The following TNFRSF19 variants were observed in gnomAD, a reference collection of about 807,000 sequenced individuals.
TNFRSF19 encodes the protein TNF receptor superfamily member 19.
TNFRSF19 carries 27 observed loss-of-function variants against 46.4 expected under a neutral mutation model. The observed-to-expected ratio is 0.58, with a 90% confidence interval of 0.43 to 0.80. The LOEUF (loss-of-function observed/expected upper bound fraction) is 0.80, where lower values mean the gene tolerates loss of function less well. Among genes scored for constraint, TNFRSF19 ranks in the 30% least tolerant of loss-of-function variants. The pLI is 0.00. For missense variants in TNFRSF19, 511 were observed against 530.8 expected, an observed-to-expected ratio of 0.96 and a Z score of 0.37; for synonymous variants, 204 against 205.0, an observed-to-expected ratio of 1.00 and a Z score of 0.04.
At chr13:23,572,314 C>A (rs769058452) in intron 1 of TNFRSF19, among the ~76,000 whole-genome samples, 2 of 151,844 alleles carry the variant, frequency 1.3e-5, no homozygotes, top group Non-Finnish European at 2.9e-5. Flanking sequence ...CAATATCCTG[C>A]AATATCGGTT....
chr13:23,586,054 A>G (rs2138164161), intron 1 of TNFRSF19, among the ~76,000 whole-genome samples: 1 of 152,152 alleles, frequency 6.6e-6, no homozygotes, highest in East Asian at 1.9e-4. Context: ...GCGGATCACA[A>G]GGTCAGGAGA....
chr13:23,583,082 C>T (rs75815014), intron 1 of TNFRSF19, among the ~76,000 whole-genome samples: 1 of 152,142 alleles, frequency 6.6e-6, no homozygotes, highest in African/African-American at 2.4e-5. Flanking sequence ...AGAAGAATAT[C>T]TAGGTGTTAT....
At chr13:23,643,135 C>T (rs1883122654) in intron 5 of TNFRSF19, among the ~76,000 whole-genome samples, 1 of 152,232 alleles carries the variant, frequency 6.6e-6, no homozygotes, top group African/African-American at 2.4e-5. Context: ...ACTTATTTCT[C>T]TCTCTGAGAG....
rs1482388205 is a variant in TNFRSF19, at chr13:23,675,101, T to A, written c.*1721T>A. 6.6e-6 allele frequency: 1 copy of A among 152,344 alleles called. No individual in the cohort carries two copies. Among genetic ancestry groups the A allele is most frequent in the Non-Finnish European group, 1.5e-5 (1 of 68,042 alleles). The allele number at this position is 152,344 out of a possible 1,614,324, so 9.4% of individuals were successfully genotyped here. A position where few individuals can be genotyped will look rare whatever the true frequency, so the allele number is the denominator to read the frequency against. Reference sequence around the variant, plus strand: ...TCTTTTTTTAAGTATAAACCAATGATCCTTTGGTAGTCAAGAACTCTTAGG... The same window carrying A: ...TCTTTTTTTAAGTATAAACCAATGAACCTTTGGTAGTCAAGAACTCTTAGG... On this transcript the variant is annotated 3_prime_UTR_variant, in exon 10 of 10. Coordinates refer to ENST00000248484, the MANE Select transcript of TNFRSF19 (RefSeq NM_148957.4).
intron 5 of TNFRSF19, among the ~76,000 whole-genome samples, chr13:23,651,695 A>G (rs1469449370): frequency 6.6e-6 from 1 of 152,100 alleles, no homozygotes; most frequent in African/African-American, 2.4e-5. Flanking sequence ...AGCCTCCTTA[A>G]TCTAGGGTTT....
chr13:23,663,075 G>C (rs1054187423), intron 7 of TNFRSF19, among the ~76,000 whole-genome samples: 2 of 152,178 alleles, frequency 1.3e-5, no homozygotes, highest in Admixed American at 6.5e-5. Context: ...TGGTGAGAGA[G>C]AGCATCCTTG....
rs568663284 is a variant in TNFRSF19, at chr13:23,570,747, T to TG, written c.-134dup. 4.5e-4 allele frequency: 68 copies of TG among 152,358 alleles called. No individual in the cohort carries two copies. The highest frequency in any genetic ancestry group is 1.6e-3 in the African/African-American group (68 of 41,580). 9.4% of individuals were successfully genotyped at this position (152,358 alleles called of 1,614,324 possible). A position where few individuals can be genotyped will look rare whatever the true frequency, so the allele number is the denominator to read the frequency against. On this transcript the variant is annotated 5_prime_UTR_variant, in exon 1 of 10. An upstream open reading frame in the 5' UTR loses its in-frame stop. Transcript: ENST00000248484. ...ATCTGCATGGTTAATTTTATTTTCC[T>TG]GGATTTGAAGTTTCGTCTGGGCTTG...
chr13:23,653,773 G>A (rs1378220928), intron 5 of TNFRSF19, among the ~76,000 whole-genome samples: 1 of 152,208 alleles, frequency 6.6e-6, no homozygotes, highest in Non-Finnish European at 1.5e-5. Context: ...CAAGAGAGCA[G>A]ATCAGACTGG....
chr13:23,613,566 T>C (rs938213346), intron 3 of TNFRSF19, among the ~76,000 whole-genome samples: 10 of 152,254 alleles, frequency 6.6e-5, no homozygotes, highest in Non-Finnish European at 1.5e-4. Flanking sequence ...TCCTTTGTTG[T>C]GTTTTAACTC....
intron 5 of TNFRSF19, among the ~76,000 whole-genome samples, chr13:23,653,634 G>A (rs527389656): frequency 8.5e-5 from 13 of 152,302 alleles, no homozygotes; most frequent in African/African-American, 3.1e-4. Context: ...AGATCTGTGG[G>A]AGGGGCAGGG....
chr13:23,652,481 C>T (rs1198468098), intron 5 of TNFRSF19, among the ~76,000 whole-genome samples: 1 of 152,150 alleles, frequency 6.6e-6, no homozygotes, highest in Non-Finnish European at 1.5e-5. Flanking sequence ...GTGATGACTC[C>T]ATGAAGCGCT....
At chr13:23,610,893 T>C (rs1037256226) in intron 3 of TNFRSF19, among the ~76,000 whole-genome samples, 1 of 152,118 alleles carries the variant, frequency 6.6e-6, no homozygotes, top group African/African-American at 2.4e-5. Flanking sequence ...TCTCAAGGAT[T>C]CGGGGAAGTA....
At chr13:23,632,492 G>T (rs1038560243) in intron 5 of TNFRSF19, among the ~76,000 whole-genome samples, 3 of 152,164 alleles carry the variant, frequency 2.0e-5, no homozygotes, top group Non-Finnish European at 4.4e-5. Context: ...TCCCTCCATT[G>T]TTCACCCATT....
chr13:23,667,368 T>G (rs1565955143), intron 7 of TNFRSF19, among the ~76,000 whole-genome samples: 1 of 152,152 alleles, frequency 6.6e-6, no homozygotes, highest in Non-Finnish European at 1.5e-5. Context: ...GTGACATTCC[T>G]AGCAATAAAA....
At chr13:23,605,827 G>T (rs1290268425) in intron 3 of TNFRSF19, among the ~76,000 whole-genome samples, 3 of 152,174 alleles carry the variant, frequency 2.0e-5, no homozygotes, top group Admixed American at 2.0e-4. Context: ...GGATATGTGG[G>T]CATGGAAGAT....
intron 3 of TNFRSF19, among the ~76,000 whole-genome samples, chr13:23,602,892 G>A (rs1352218729): frequency 6.6e-6 from 1 of 151,830 alleles, no homozygotes; most frequent in Non-Finnish European, 1.5e-5. Context: ...GCACATATTA[G>A]AAAAAAGAAA....
intron 3 of TNFRSF19, among the ~76,000 whole-genome samples, chr13:23,612,395 A>G (rs1232774542): frequency 6.6e-6 from 1 of 152,240 alleles, no homozygotes. Context: ...AGTTTACTTT[A>G]TAGCCTGGAT....
In TNFRSF19 at chr13:23,590,160, CAATA is replaced by C; in HGVS notation, c.-19_-16del. Reference sequence around the variant, plus strand: ...CTATCTTTTATTTAGAACTCTCCAACAATAAATACATTTGATAAGAAAGATGGCT... The same window carrying C: ...CTATCTTTTATTTAGAACTCTCCAACAATACATTTGATAAGAAAGATGGCT... On this transcript the variant is annotated 5_prime_UTR_variant, in exon 2 of 10. Transcript: ENST00000248484. 1 of 1,517,656 alleles carries C rather than the reference CAATA, an allele frequency of 6.6e-7. No individual in the cohort carries two copies. Among genetic ancestry groups the C allele is most frequent in the South Asian group, 1.2e-5 (1 of 83,806 alleles). The allele number at this position is 1,517,656 out of a possible 1,614,324, so 94.0% of individuals were successfully genotyped here.
intron 5 of TNFRSF19, among the ~76,000 whole-genome samples, chr13:23,649,905 T>A (rs116687078): frequency 6.0e-4 from 91 of 152,330 alleles, no homozygotes; most frequent in African/African-American, 2.1e-3. Flanking sequence ...CCTTTATGAT[T>A]GGAAAAGCTA....
Sources: allele counts gnomAD v4.1 joint callset (sites outside exome capture counted in the v4.1 genomes callset), GRCh38; gene constraint gnomAD v4.1.1; transcripts MANE v1.5; gene names NCBI Gene and HGNC (gene_info 2026-07-23, HGNC 2026-07-21).